Variants in ATAD2 observed in about 807,000 individuals in gnomAD.
ATAD2 encodes the protein ATPase family AAA domain containing 2, also known as ATPase family AAA domain-containing protein 2.
A neutral mutation model predicts 168.9 loss-of-function variants in ATAD2; 62 were observed. The ratio of observed to expected loss-of-function variants is 0.37; its 90% CI spans 0.30 to 0.45. The LOEUF (loss-of-function observed/expected upper bound fraction) is 0.45, where lower values mean the gene tolerates loss of function less well. ATAD2 is among the 20% of genes least tolerant of loss of function. The pLI is 1.00. For synonymous variants in ATAD2, 613 were observed against 571.6 expected, an observed-to-expected ratio of 1.07 and a Z score of -1.03; for missense variants, 1,419 against 1,667.8, an observed-to-expected ratio of 0.85 and a Z score of 2.60.
chr8:123,376,560 A>T (rs1336682177), intron 2 of ATAD2, among the ~76,000 whole-genome samples: 1 of 151,432 alleles, frequency 6.6e-6, no homozygotes, highest in African/African-American at 2.4e-5. Context: ...TCTCAAAAAA[A>T]ATACACACAC....
intron 1 of ATAD2, among the ~76,000 whole-genome samples, chr8:123,386,967 A>T (rs900409624): frequency 6.6e-6 from 1 of 152,084 alleles, no homozygotes; most frequent in Non-Finnish European, 1.5e-5. Flanking sequence ...ACACTAAAAA[A>T]TTTTTAAATG....
chr8:123,400,859 G>A, upstream of ATAD2: 1 of 1,386,688 alleles, frequency 7.2e-7, no homozygotes, highest in South Asian at 1.2e-5. The surrounding 1 kb of genome is among the most constrained non-coding windows in gnomAD (Gnocchi z 4.5). Flanking sequence ...CACCACAACT[G>A]CACCCCAGAG....
chr8:123,409,372 C>T (rs1416549733), intron 1 of ATAD2, among the ~76,000 whole-genome samples: 1 of 152,162 alleles, frequency 6.6e-6, no homozygotes, highest in Middle Eastern at 3.2e-3. Flanking sequence ...TACATTGCTG[C>T]CATAGCACAA....
intron 1 of ATAD2, chr8:123,380,955 G>C (rs948779755): frequency 1.4e-5 from 4 of 282,318 alleles, no homozygotes; most frequent in Non-Finnish European, 2.6e-5. Flanking sequence ...TCTAGAGAGT[G>C]AAGTTTTCCA....
chr8:123,372,797 G>A (rs1563856759), intron 2 of ATAD2, 111 bp from the exon 3 acceptor site: 3 of 836,948 alleles, frequency 3.6e-6, no homozygotes, highest in Admixed American at 6.2e-5. Flanking sequence ...GCACAATCAT[G>A]ACTCACTACA....
intron 1 of ATAD2, among the ~76,000 whole-genome samples, chr8:123,388,876 A>G (rs1340150599): frequency 6.7e-6 from 1 of 149,868 alleles, no homozygotes; most frequent in African/African-American, 2.5e-5. Context: ...TTTACTTAAT[A>G]CTCTTAGTTC....
rs1586872935 is a variant in ATAD2 at position 123,349,441 on chromosome 8, A to G, written c.1650T>C (p.Ser550=). The G allele has an allele frequency of 3.7e-6, 6 of 1,613,230 alleles. No individual in the cohort carries two copies. In the East Asian group the frequency reaches 1.3e-4, roughly 36 times the overall value. The change falls in exon 14 of 28, where the codon TCT becomes TCC. Residue 550 remains serine, a synonymous_variant. Transcript: ENST00000287394. ...RSSRQDQIHS[S]IVSTLLALMD... is the part of the protein sequence containing the mutation. Reference sequence around the variant, plus strand: ...TAAGAGCTAGCAGGGTGGAAACAATAGAACTAAATTTTAAAAATAAGAGAG... The same window carrying G: ...TAAGAGCTAGCAGGGTGGAAACAATGGAACTAAATTTTAAAAATAAGAGAG...
chr8:123,356,454 A>G lies in ATAD2; in HGVS notation c.1581T>C (p.Ile527=). The change falls in exon 13 of 28, where the codon ATT becomes ATC. Residue 527 remains isoleucine, a synonymous_variant. Transcript: ENST00000287394. The part of the protein sequence containing the change: ...FDQAYQMRPS[I]IFFDEIDGLA... ...GACCATCAATTTCGTCAAAAAAAAT[A>G]ATTGATGGGCGCATCTGATAGGCCT... The G allele has an allele frequency of 1.2e-6, 2 of 1,612,784 alleles. No individual in the cohort carries two copies. The highest frequency in any genetic ancestry group is 1.7e-6 in the Non-Finnish European group (2 of 1,179,232).
intron 24 of ATAD2, among the ~76,000 whole-genome samples, chr8:123,333,515 G>T (rs998023357): frequency 1.3e-5 from 2 of 151,900 alleles, no homozygotes; most frequent in Non-Finnish European, 2.9e-5. Flanking sequence ...TGACAAAGGG[G>T]CTTAAAGAAC....
intron 2 of ATAD2, among the ~76,000 whole-genome samples, chr8:123,377,832 T>C (rs78754378): frequency 0.01 from 1,558 of 152,372 alleles, 34 homozygotes; most frequent in African/African-American, 0.036. Context: ...TATTCAGGTC[T>C]GATTCTGTTC....
At chr8:123,321,502 C>T (rs1827466672) in intron 27 of ATAD2, among the ~76,000 whole-genome samples, 1 of 151,178 alleles carries the variant, frequency 6.6e-6, no homozygotes, top group African/African-American at 2.4e-5. Flanking sequence ...ACATAGTATA[C>T]TTTAGTAGGT....
chr8:123,396,086 A>G (rs1025319459), intron 1 of ATAD2, 101 bp downstream of exon 1: 3 of 1,306,814 alleles, frequency 2.3e-6, no homozygotes, highest in Middle Eastern at 5.4e-4. Context: ...GACAACTGTC[A>G]CCCTGACCGG....
intron 10 of ATAD2, 53 bp downstream of exon 10, chr8:123,359,524 C>G: frequency 6.7e-7 from 1 of 1,493,298 alleles, no homozygotes; most frequent in East Asian, 2.3e-5. Flanking sequence ...AACTTTAAAA[C>G]TAAAACAAAG....
At chr8:123,365,072 CAA>C (rs570772849) in intron 8 of ATAD2, among the ~76,000 whole-genome samples, 41 of 152,224 alleles carry the variant, frequency 2.7e-4, no homozygotes, top group Non-Finnish European at 4.6e-4. Context: ...AAAAATCCAG[CAA>C]AGTTTCAGGA....
At chr8:123,387,297 T>C (rs1829672101) in intron 1 of ATAD2, among the ~76,000 whole-genome samples, 1 of 152,154 alleles carries the variant, frequency 6.6e-6, no homozygotes, top group African/African-American at 2.4e-5. Flanking sequence ...GCTGAATGTA[T>C]TATATTTAGG....
intron 1 of ATAD2, among the ~76,000 whole-genome samples, chr8:123,405,491 T>C (rs775544838): frequency 1.9e-4 from 29 of 151,914 alleles, no homozygotes; most frequent in Non-Finnish European, 3.8e-4. Flanking sequence ...CTCCAACTCC[T>C]GAGCTCAGAT....
At chr8:123,337,378 A>G (rs1827948501) in intron 21 of ATAD2, among the ~76,000 whole-genome samples, 1 of 152,156 alleles carries the variant, frequency 6.6e-6, no homozygotes, top group Non-Finnish European at 1.5e-5. Flanking sequence ...AAAAAAAATA[A>G]TAAGACATTC....
chr8:123,339,991 G>A (rs1490615134), intron 19 of ATAD2, among the ~76,000 whole-genome samples: 2 of 151,968 alleles, frequency 1.3e-5, no homozygotes, highest in Non-Finnish European at 2.9e-5. Context: ...CTGGGCTCAA[G>A]CAATCCTCTT....
intron 1 of ATAD2, among the ~76,000 whole-genome samples, chr8:123,387,726 T>C (rs140221044): frequency 1.4e-3 from 207 of 152,282 alleles, no homozygotes; most frequent in African/African-American, 4.7e-3. Flanking sequence ...AATCAGTAAG[T>C]TAACATAGAG....
Sources: allele counts gnomAD v4.1 joint callset (sites outside exome capture counted in the v4.1 genomes callset), GRCh38; gene constraint gnomAD v4.1.1; non-coding constraint Gnocchi (gnomAD v3.1); transcripts MANE v1.5; gene names NCBI Gene and HGNC (gene_info 2026-07-23, HGNC 2026-07-21).